AMBRA1: variants seen among roughly 807,000 people sequenced by gnomAD.
The protein encoded by AMBRA1 is activating molecule in BECN1-regulated autophagy protein 1.
AMBRA1 carries 47 observed loss-of-function variants against 125.4 expected under a neutral mutation model. The observed-to-expected ratio is 0.37, with a 90% CI of 0.30 to 0.48. The LOEUF (loss-of-function observed/expected upper bound fraction) is 0.48. AMBRA1 is among the 20% of genes least tolerant of loss of function. The probability of loss-of-function intolerance (pLI) is 0.99; values close to 1 mark genes in which losing one functional copy is unlikely to be tolerated. For synonymous variants in AMBRA1, 626 were observed against 655.5 expected, an observed-to-expected ratio of 0.95 and a Z score of 0.69; for missense variants, 1,331 against 1,693.4, an observed-to-expected ratio of 0.79 and a Z score of 3.76.
chr11:46,574,114 C>T (rs200177176), intron 1 of AMBRA1, among the ~76,000 whole-genome samples: 4 of 139,488 alleles, frequency 2.9e-5, no homozygotes, highest in South Asian at 4.9e-4. Context: ...TGAATAGTGC[C>T]GCAATAAACA....
At chr11:46,432,608 G>A (rs1265946405) in intron 14 of AMBRA1, among the ~76,000 whole-genome samples, 1 of 152,086 alleles carries the variant, frequency 6.6e-6, no homozygotes, top group Non-Finnish European at 1.5e-5. Flanking sequence ...AGGGACCTGA[G>A]GGATATCCCT....
intron 11 of AMBRA1, chr11:46,491,064 G>A (rs1038887659): frequency 1.3e-5 from 2 of 152,158 alleles, no homozygotes; most frequent in African/African-American, 4.8e-5. Context: ...AGAAGGCTCA[G>A]GAAAAGGGCG....
intron 11 of AMBRA1, among the ~76,000 whole-genome samples, chr11:46,445,823 C>T (rs1242145254): frequency 6.6e-6 from 1 of 152,102 alleles, no homozygotes; most frequent in South Asian, 2.1e-4. Flanking sequence ...TTTCTCAGTA[C>T]ATGATGAACA....
intron 7 of AMBRA1, among the ~76,000 whole-genome samples, chr11:46,528,233 C>T (rs573440385): frequency 5.2e-4 from 79 of 152,266 alleles, no homozygotes; most frequent in Non-Finnish European, 9.7e-4. Flanking sequence ...AGTGCAGTGG[C>T]ACGATCCCGG....
chr11:46,426,711 T>C (rs1171875125), intron 14 of AMBRA1, among the ~76,000 whole-genome samples: 1 of 152,252 alleles, frequency 6.6e-6, no homozygotes. Flanking sequence ...TTTTTGAGGA[T>C]AGATGCTTTG....
rs1455508412 is a variant in AMBRA1 at position 46,429,279 on chromosome 11, G to C, written c.2976+4195C>G. ...ATCGCTACTCAGAAATCGGTGTGTG[G>C]GGAGTGGGAGAGAGGCCCCCTGCCC... On this transcript the variant is annotated intron_variant, in intron 14 of 17. Coordinates refer to ENST00000683756, the MANE Select transcript of AMBRA1 (RefSeq NM_001387011.1). 8.8e-6 allele frequency: 7 copies of C among 799,024 alleles called. No individual in the cohort carries two copies. In the African/African-American group the frequency reaches 1.0e-4, roughly 12 times the overall value. 49.5% of individuals were successfully genotyped at this position (799,024 alleles called of 1,614,324 possible).
chr11:46,481,340 G>A (rs1370718564), intron 11 of AMBRA1, among the ~76,000 whole-genome samples: 1 of 152,138 alleles, frequency 6.6e-6, no homozygotes, highest in African/African-American at 2.4e-5. Context: ...GGATATAAGA[G>A]CATAGTAGCC....
chr11:46,455,672 A>C (rs1948819059), intron 11 of AMBRA1, among the ~76,000 whole-genome samples: 1 of 152,276 alleles, frequency 6.6e-6, no homozygotes, highest in South Asian at 2.1e-4. Context: ...AGCCTCAGAA[A>C]GCATACAGCT....
At chr11:46,526,677 C>T (rs1182157553) in intron 7 of AMBRA1, among the ~76,000 whole-genome samples, 1 of 151,578 alleles carries the variant, frequency 6.6e-6, no homozygotes, top group Non-Finnish European at 1.5e-5. Flanking sequence ...TAGAGAAAAC[C>T]CAAGGAAGAT....
At position 46,397,491 on chromosome 11, in the gene AMBRA1, C is replaced by T. The variant is rs753435982; in HGVS notation, c.3856G>A (p.Gly1286Arg). The T allele has an allele frequency of 6.6e-7, 1 of 1,526,034 alleles. No homozygotes were observed. Among genetic ancestry groups the T allele is most frequent in the Non-Finnish European group, 8.8e-7 (1 of 1,135,210 alleles). 94.5% of individuals were successfully genotyped at this position (1,526,034 alleles called of 1,614,324 possible). ...TCTCCCCTAGGGCCTGCAGCGTCCC[C>T]CCTGCTGCTGCCACCATCCAGAAGG... The part of the protein sequence containing the change: ...NHLLDGGSSR[G>R]DAAGPRGEPR... The change falls in exon 18 of 18, where the codon GGG becomes AGG. Residue 1286 changes from glycine to arginine, a missense_variant. Gly to Arg is a moderately radical substitution (Grantham distance 125). This residue lies in a region of AMBRA1 where 144 missense variants were observed against 133.9 expected (regional missense o/e 1.08). Coordinates refer to ENST00000683756, the MANE Select transcript of AMBRA1 (RefSeq NM_001387011.1).
At chr11:46,522,299 T>C (rs1951796612) in intron 7 of AMBRA1, among the ~76,000 whole-genome samples, 1 of 152,210 alleles carries the variant, frequency 6.6e-6, no homozygotes, top group Non-Finnish European at 1.5e-5. Flanking sequence ...CTCAACACAT[T>C]ACACTATAGT....
At chr11:46,561,221 A>C (rs1368745500) in intron 1 of AMBRA1, among the ~76,000 whole-genome samples, 3 of 152,078 alleles carry the variant, frequency 2.0e-5, no homozygotes, top group Non-Finnish European at 4.4e-5. Flanking sequence ...TCTCTACTAA[A>C]AATACAAAAA....
rs1197304919 is a variant in AMBRA1 at position 46,571,677 on chromosome 11, A to G, written c.-121+22151T>C. Among the ~76,000 whole-genome samples, 4 of 146,258 alleles carry G rather than the reference A, an allele frequency of 2.7e-5. No individual in the cohort carries two copies. In the Admixed American group the frequency reaches 2.8e-4, roughly 10 times the overall value. ...GGTGACAGAATGAGTCCGTGTCTCA[A>G]TCAATCAATCTTTTTTTTTTTTTTT... On this transcript the variant is annotated intron_variant, in intron 1 of 17. Coordinates refer to ENST00000683756, the MANE Select transcript of AMBRA1 (RefSeq NM_001387011.1).
chr11:46,413,138 A>G (rs1173908275), intron 15 of AMBRA1, among the ~76,000 whole-genome samples: 2 of 152,252 alleles, frequency 1.3e-5, no homozygotes, highest in Non-Finnish European at 2.9e-5. Context: ...GACTGTCAGC[A>G]TAATGCTGGT....
At chr11:46,543,874 T>C (rs368409184) in intron 6 of AMBRA1, 101 bp downstream of exon 6, 4 of 954,622 alleles carry the variant, frequency 4.2e-6, no homozygotes, top group South Asian at 2.9e-5. Flanking sequence ...AAGATAAGAC[T>C]TGGGTATTGA....
rs2042854990 is a variant in AMBRA1, at chr11:46,547,296, C to A, written c.195G>T (p.Arg65Ser). The change falls in exon 4 of 18, where the codon AGG becomes AGT. Residue 65 changes from arginine (R) to serine (S), a missense_variant and splice_region_variant. Physicochemically the swap from Arg to Ser is moderately radical, Grantham distance 110. This residue lies in a region of AMBRA1 where 144 missense variants were observed against 250.4 expected (regional missense o/e 0.58). Coordinates refer to ENST00000683756, the MANE Select transcript of AMBRA1 (RefSeq NM_001387011.1). ...TCACATGGGTGGAGGCTAAGAGAGT[C>A]CTAGAAAATCAAAGAGTAGAACTGA... ...STFLLAFSPDRTLLASTHVNH... is the reference protein window; with the variant it reads ...STFLLAFSPDSTLLASTHVNH... The A allele has an allele frequency of 6.2e-7, 1 of 1,601,512 alleles. No individual in the cohort carries two copies. The highest frequency in any genetic ancestry group is 2.2e-5 in the East Asian group (1 of 44,698).
intron 14 of AMBRA1, among the ~76,000 whole-genome samples, chr11:46,429,601 C>A (rs1947352563): frequency 6.6e-6 from 1 of 152,188 alleles, no homozygotes; most frequent in Non-Finnish European, 1.5e-5. Context: ...TACTGAGATA[C>A]AAACTAAAGG....
rs1322110759 is a variant in AMBRA1, at chr11:46,545,167, G to C, written c.551+437C>G. ...TTAAAAAAAAAAAAAAAGCCGGGGG[G>C]GGGGGGGTGGTGGTGGGCATGGTGG... On this transcript the variant is annotated intron_variant, in intron 5 of 17. Coordinates refer to ENST00000683756, the MANE Select transcript of AMBRA1 (RefSeq NM_001387011.1). Among the ~76,000 whole-genome samples the C allele has an allele frequency of 4.9e-3, 701 of 141,622 alleles. 36 individuals carry two copies. Among genetic ancestry groups the C allele is most frequent in the Non-Finnish European group, 9.1e-3 (586 of 64,292 alleles). 92.9% of individuals were successfully genotyped at this position (141,622 alleles called of 152,430 possible). A position where few individuals can be genotyped will look rare whatever the true frequency, so the allele number is the denominator to read the frequency against.
At chr11:46,528,315 T>A (rs750775617) in intron 7 of AMBRA1, among the ~76,000 whole-genome samples, 13 of 152,122 alleles carry the variant, frequency 8.5e-5, no homozygotes, top group Non-Finnish European at 1.3e-4. Flanking sequence ...GGGTTACAGG[T>A]GCCCACCACC....
Sources: gnomAD v4.1 joint callset for allele counts (sites outside exome capture counted in the v4.1 genomes callset) on GRCh38, gnomAD v4.1.1 for gene constraint, gnomAD v4.1.1 regional missense constraint, MANE v1.5 for transcripts, NCBI Gene and HGNC (gene_info 2026-07-23, HGNC 2026-07-21) for gene names.